FGF14: variants seen among roughly 807,000 people sequenced by gnomAD.
FGF14 encodes fibroblast growth factor homologous factor 4.
FGF14 carries 5 observed loss-of-function variants against 25.5 expected under a neutral mutation model. The observed-to-expected ratio is 0.20, with a 90% CI of 0.10 to 0.41. FGF14 has a LOEUF of 0.41. Among genes scored for constraint, FGF14 ranks in the 10% least tolerant of loss-of-function variants. FGF14 has a pLI of 1.00. For missense variants in FGF14, 222 were observed against 320.1 expected, an observed-to-expected ratio of 0.69 and a Z score of 2.34; for synonymous variants, 138 against 118.3, an observed-to-expected ratio of 1.17 and a Z score of -1.08.
intron 1 of FGF14, among the ~76,000 whole-genome samples, chr13:102,131,479 C>T (rs1356032139): frequency 6.6e-6 from 1 of 152,196 alleles, no homozygotes; most frequent in Non-Finnish European, 1.5e-5. Flanking sequence ...CCTCTCCCCT[C>T]CCCAGCCTGG....
Position 102,063,747 on chromosome 13 carries a change from G to A in FGF14, c.209-188451C>T, listed in dbSNP as rs541743048. On this transcript the variant is annotated intron_variant, in intron 1 of 4. Transcript: ENST00000376131. ...GGTAATGCAATAACATATAAAACAT[G>A]AATAAGATTTTCAAATATTATAAAA... Among the ~76,000 whole-genome samples, 5 of 152,140 alleles carry A rather than the reference G, an allele frequency of 3.3e-5. No individual in the cohort carries two copies. In the East Asian group the frequency reaches 9.6e-4, roughly 29 times the overall value.
At chr13:101,804,411 T>C (rs1255494294) in intron 3 of FGF14, among the ~76,000 whole-genome samples, 1 of 152,162 alleles carries the variant, frequency 6.6e-6, no homozygotes, top group East Asian at 1.9e-4. Flanking sequence ...ACTGCTGGTA[T>C]TTAGCATACA....
intron 1 of FGF14, among the ~76,000 whole-genome samples, chr13:102,063,127 T>C (rs1020041239): frequency 6.6e-6 from 1 of 152,144 alleles, no homozygotes; most frequent in African/African-American, 2.4e-5. Context: ...GTAAAATGCT[T>C]TGTATTCACA....
chr13:102,011,012 T>C (rs1387226281), intron 1 of FGF14, among the ~76,000 whole-genome samples: 3 of 152,202 alleles, frequency 2.0e-5, no homozygotes, highest in African/African-American at 7.2e-5. Flanking sequence ...TTTTCTATTT[T>C]TAATAATGCC....
intron 3 of FGF14, among the ~76,000 whole-genome samples, chr13:101,738,625 G>A (rs2036334013): frequency 6.6e-6 from 1 of 152,002 alleles, no homozygotes; most frequent in Non-Finnish European, 1.5e-5. Context: ...CCTGAGGAGG[G>A]GAGAATGTCA....
chr13:101,980,321 T>G (rs2038170867), intron 1 of FGF14, among the ~76,000 whole-genome samples: 1 of 147,420 alleles, frequency 6.8e-6, no homozygotes, highest in Admixed American at 7.0e-5. Context: ...AGTTTTATAA[T>G]ATTATTTATT....
intron 1 of FGF14, among the ~76,000 whole-genome samples, chr13:102,257,342 C>CTCTT (rs2052493832): frequency 3.1e-5 from 1 of 32,554 alleles, no homozygotes; most frequent in African/African-American, 1.3e-4. Flanking sequence ...CCTTTCTTTT[C>CTCTT]TTTTTTTTTT....
At chr13:101,784,742 A>G (rs1464673790) in intron 3 of FGF14, among the ~76,000 whole-genome samples, 4 of 152,168 alleles carry the variant, frequency 2.6e-5, no homozygotes, top group Non-Finnish European at 5.9e-5. Flanking sequence ...CAGGGTCAGC[A>G]TGTGTTTATG....
chr13:102,110,590 A>G (rs1327760375), intron 1 of FGF14, among the ~76,000 whole-genome samples: 2 of 152,168 alleles, frequency 1.3e-5, no homozygotes, highest in Non-Finnish European at 2.9e-5. Context: ...CACATGTTTC[A>G]CAGAGCCACA....
rs2035003030 is a variant in FGF14, at chr13:101,721,727, T to C, written c.*1104A>G. 1 of 152,178 alleles carries C rather than the reference T, an allele frequency of 6.6e-6. No individual in the cohort carries two copies. The highest frequency in any genetic ancestry group is 2.4e-5 in the African/African-American group (1 of 41,452). The allele number at this position is 152,178 out of a possible 1,614,324, so 9.4% of individuals were successfully genotyped here. On this transcript the variant is annotated 3_prime_UTR_variant, in exon 5 of 5. Coordinates refer to ENST00000376143, the MANE Select transcript of FGF14 (RefSeq NM_004115.4). ...AACACAACAGCCGTCTTGCCCATGC[T>C]CTGCTGAGTATGAGGGGAACGCAGC... is the stretch of plus-strand genomic sequence containing the variant.
chr13:102,009,857 A>G (rs1362893723), intron 1 of FGF14, among the ~76,000 whole-genome samples: 1 of 152,100 alleles, frequency 6.6e-6, no homozygotes, highest in Non-Finnish European at 1.5e-5. Flanking sequence ...ATGTTTTAGA[A>G]ATATAGAGGT....
intron 1 of FGF14, among the ~76,000 whole-genome samples, chr13:101,968,954 C>G (rs1190397708): frequency 1.3e-5 from 2 of 150,790 alleles, no homozygotes; most frequent in African/African-American, 2.4e-5. Flanking sequence ...GTTTTTATCA[C>G]CAGGTCACTT....
chr13:102,236,993 G>T (rs2051358799), intron 1 of FGF14, among the ~76,000 whole-genome samples: 1 of 152,118 alleles, frequency 6.6e-6, no homozygotes, highest in Admixed American at 6.5e-5. Flanking sequence ...CACAGAGGGG[G>T]CCGCACTAGG....
chr13:102,116,442 A>G lies in FGF14; in HGVS notation c.209-241146T>C, dbSNP rs116310505. On this transcript the variant is annotated intron_variant, in intron 1 of 4. Transcript: ENST00000376131. ...TTCTATATACAATAAATTATATTTT[A>G]TAATCATATGTATAACATATACAAT... 2.0e-3 allele frequency among the ~76,000 whole-genome samples: 301 copies of G among 152,278 alleles called. 1 individual carries two copies. The highest frequency in any genetic ancestry group is 7.1e-3 in the African/African-American group (296 of 41,576).
At chr13:101,883,994 C>T (rs1038765185) in intron 1 of FGF14, among the ~76,000 whole-genome samples, 2 of 130,288 alleles carry the variant, frequency 1.5e-5, no homozygotes, top group Non-Finnish European at 3.1e-5. Flanking sequence ...ACCTGGGAGG[C>T]GGAGGTTGCA....
intron 3 of FGF14, among the ~76,000 whole-genome samples, chr13:101,741,384 A>G (rs898634106): frequency 5.9e-5 from 9 of 152,204 alleles, no homozygotes; most frequent in African/African-American, 2.2e-4. Flanking sequence ...GTACTATAGT[A>G]GGAGACTATC....
At chr13:102,269,357 A>T (rs2053140002) in intron 1 of FGF14, among the ~76,000 whole-genome samples, 1 of 152,218 alleles carries the variant, frequency 6.6e-6, no homozygotes, top group Non-Finnish European at 1.5e-5. Context: ...GACCATAAAA[A>T]GCATAATTCT....
rs2034665400 is a variant in FGF14 at position 101,715,254 on chromosome 13, C to T, written c.*7577G>A. On this transcript the variant is annotated 3_prime_UTR_variant, in exon 5 of 5. Coordinates refer to ENST00000376143, the MANE Select transcript of FGF14 (RefSeq NM_004115.4). Reference sequence around the variant, plus strand: ...AGCCTTATGTTTTTCTGTATTTATTCATAAGTCAGATATAACTTGCTCTTT... The same window carrying T: ...AGCCTTATGTTTTTCTGTATTTATTTATAAGTCAGATATAACTTGCTCTTT... The T allele has an allele frequency of 3.9e-6, 1 of 253,192 alleles. No homozygotes were observed. The highest frequency in any genetic ancestry group is 2.2e-5 in the African/African-American group (1 of 44,820). 15.7% of individuals were successfully genotyped at this position (253,192 alleles called of 1,614,324 possible). A position where few individuals can be genotyped will look rare whatever the true frequency, so the allele number is the denominator to read the frequency against.
At chr13:101,768,381 A>T (rs926152162) in intron 3 of FGF14, among the ~76,000 whole-genome samples, 1 of 152,198 alleles carries the variant, frequency 6.6e-6, no homozygotes, top group Non-Finnish European at 1.5e-5. Flanking sequence ...TATTGTCAGC[A>T]TATCAGTTAT....
Sources: gnomAD v4.1 joint callset for allele counts (sites outside exome capture counted in the v4.1 genomes callset) on GRCh38, gnomAD v4.1.1 for gene constraint, MANE v1.5 for transcripts, NCBI Gene and HGNC (gene_info 2026-07-23, HGNC 2026-07-21) for gene names.